The following ACSL4 variants were observed in gnomAD, a reference collection of about 807,000 sequenced individuals.
The protein encoded by ACSL4 is acyl-CoA synthetase long chain family member 4.
Under a neutral mutation model 49.1 loss-of-function variants are expected in ACSL4, and 9 were observed. That is an observed-to-expected ratio of 0.18 (90% CI 0.11 to 0.32). The LOEUF is 0.32. Ranked by LOEUF, ACSL4 falls within the 10% of genes least tolerant of loss-of-function variation. The pLI is 1.00. For missense variants in ACSL4, 333 were observed against 493.7 expected (o/e 0.67, Z 3.08); for synonymous variants, 191 against 170.3 (o/e 1.12, Z -0.95).
intron 1 of ACSL4, among the ~76,000 whole-genome samples, chrX:109,699,986 G>A (rs1373820988): frequency 9.2e-6 from 1 of 108,792 alleles, no homozygotes; most frequent in Non-Finnish European, 1.9e-5. Context: ...CGGAGGCTGA[G>A]GGGGGCAGAT....
At chrX:109,653,505 C>T (rs1027898794) in intron 15 of ACSL4, among the ~76,000 whole-genome samples, 4 of 111,381 alleles carry the variant, frequency 3.6e-5, no homozygotes, top group African/African-American at 6.6e-5. Context: ...CACATGCACA[C>T]GTATGTTTAT....
intron 1 of ACSL4, among the ~76,000 whole-genome samples, chrX:109,717,403 G>A (rs1003771018): frequency 9.0e-6 from 1 of 110,710 alleles, no homozygotes; most frequent in Non-Finnish European, 1.9e-5. Flanking sequence ...GGCTGAGGCA[G>A]GAGAATTGCT....
At chrX:109,707,002 C>T (rs912362239) in intron 1 of ACSL4, among the ~76,000 whole-genome samples, 4 of 111,621 alleles carry the variant, frequency 3.6e-5, no homozygotes, top group African/African-American at 1.3e-4. Context: ...AAATGCCTAA[C>T]GTAATGAGCA....
At chrX:109,655,463 T>C (rs1921558992) in intron 15 of ACSL4, among the ~76,000 whole-genome samples, 3 of 108,730 alleles carry the variant, frequency 2.8e-5, no homozygotes, top group African/African-American at 1.0e-4. Context: ...TGCCAGAATA[T>C]AAAACAAAAA....
rs1236254818 is a variant in ACSL4 at position 109,678,288 on chromosome X, C to T, written c.783G>A (p.Gln261=). 1 of 1,210,143 alleles carries T rather than the reference C, an allele frequency of 8.3e-7. No homozygotes were observed. Among genetic ancestry groups the T allele is most frequent in the East Asian group, 3.0e-5 (1 of 33,801 alleles). The change falls in exon 7 of 16, where the codon CAG becomes CAA. Residue 261 remains glutamine (Q), a synonymous_variant. Coordinates refer to ENST00000672401, the MANE Select transcript of ACSL4 (RefSeq NM_001318510.2). ...ACCCCAGTCCAGGTATTCTTTCACACTGGCCTGTCATTCCAGCTATCAAAT... is the reference window on the plus strand; with the variant it reads ...ACCCCAGTCCAGGTATTCTTTCACATTGGCCTGTCATTCCAGCTATCAAAT... ...HSNLIAGMTG[Q]CERIPGLGPK...
At chrX:109,673,197 C>A (rs1923412029) in intron 9 of ACSL4, among the ~76,000 whole-genome samples, 1 of 111,775 alleles carries the variant, frequency 8.9e-6, no homozygotes, top group Non-Finnish European at 1.9e-5. Context: ...CTAGGGAATT[C>A]TGAATGTGAA....
intron 1 of ACSL4, among the ~76,000 whole-genome samples, chrX:109,700,537 A>AT (rs1449614913): frequency 9.4e-6 from 1 of 105,849 alleles, no homozygotes; most frequent in African/African-American, 3.5e-5. Flanking sequence ...ACTCTGTCTC[A>AT]TAAAAAAAAA....
chrX:109,667,695 G>C (rs944387002), intron 11 of ACSL4, among the ~76,000 whole-genome samples: 1 of 111,519 alleles, frequency 9.0e-6, no homozygotes. Flanking sequence ...TCAGGAGTTC[G>C]AGACCAGCCT....
chrX:109,681,490 T>C, intron 4 of ACSL4, 115 bp from the exon 5 acceptor site: 2 of 556,300 alleles, frequency 3.6e-6, no homozygotes, highest in Non-Finnish European at 5.8e-6. Context: ...CATTGTATAT[T>C]TTAATTTGAT....
chrX:109,661,472 C>G, intron 14 of ACSL4, 59 bp downstream of exon 14: 1 of 828,389 alleles, frequency 1.2e-6, no homozygotes, highest in Non-Finnish European at 1.8e-6. Context: ...TATGTAATCA[C>G]ATTATTTTCT....
intron 15 of ACSL4, among the ~76,000 whole-genome samples, chrX:109,644,976 C>T (rs1262451839): frequency 3.5e-5 from 4 of 113,089 alleles, no homozygotes; most frequent in African/African-American, 9.6e-5. Context: ...GCTTAAAAAA[C>T]GGTGCACCAG....
chrX:109,679,839 A>G (rs1177486276), intron 6 of ACSL4, among the ~76,000 whole-genome samples: 1 of 112,116 alleles, frequency 8.9e-6, no homozygotes, highest in Non-Finnish European at 1.9e-5. Context: ...TTTGTGGTCA[A>G]TCAGCAGAAC....
At chrX:109,730,591 T>C (rs1385310736) in intron 1 of ACSL4, among the ~76,000 whole-genome samples, 1 of 112,481 alleles carries the variant, frequency 8.9e-6, no homozygotes, top group East Asian at 2.8e-4. Context: ...TTAACCATCA[T>C]GTCCTGAGGG....
chrX:109,729,136 G>A (rs113744787), intron 1 of ACSL4, among the ~76,000 whole-genome samples: 4 of 110,503 alleles, frequency 3.6e-5, no homozygotes, highest in East Asian at 2.8e-4. Flanking sequence ...GGAGAATGGC[G>A]TGAATCTGGG....
chrX:109,678,538 C>A (rs1362958930), intron 6 of ACSL4, 123 bp from the exon 7 acceptor site: 6 of 876,221 alleles, frequency 6.8e-6, no homozygotes, highest in Non-Finnish European at 8.1e-6. Context: ...TGCTTTAAAT[C>A]ATCAAAACGA....
chrX:109,726,691 T>C (rs1316458146), intron 1 of ACSL4, among the ~76,000 whole-genome samples: 1 of 111,365 alleles, frequency 9.0e-6, no homozygotes, highest in African/African-American at 3.3e-5. Flanking sequence ...TATTTATTTA[T>C]TTTTTGAGAC....
intron 1 of ACSL4, among the ~76,000 whole-genome samples, chrX:109,715,646 T>TAG (rs941246872): frequency 3.7e-5 from 4 of 108,874 alleles, no homozygotes; most frequent in Non-Finnish European, 5.7e-5. Flanking sequence ...TATATATATA[T>TAG]AGAGAGAGAT....
chrX:109,711,364 T>A, intron 1 of ACSL4, among the ~76,000 whole-genome samples: 1 of 112,162 alleles, frequency 8.9e-6, no homozygotes, highest in Non-Finnish European at 1.9e-5. Flanking sequence ...CAATCCAGTA[T>A]GGTAGTTAGG....
chrX:109,709,683 A>G (rs1009132678), intron 1 of ACSL4, among the ~76,000 whole-genome samples: 9 of 112,669 alleles, frequency 8.0e-5, no homozygotes, highest in Admixed American at 7.5e-4. Context: ...ACAACAGAAT[A>G]TTTTCTCAAA....
Sources: allele counts gnomAD v4.1 joint callset (sites outside exome capture counted in the v4.1 genomes callset), GRCh38; gene constraint gnomAD v4.1.1; transcripts MANE v1.5; gene names NCBI Gene and HGNC (gene_info 2026-07-23, HGNC 2026-07-21).